MIPEP: variants seen among roughly 807,000 people sequenced by gnomAD.
The protein encoded by MIPEP is mitochondrial intermediate peptidase.
A neutral mutation model predicts 90.3 loss-of-function variants in MIPEP; 79 were observed. The ratio of observed to expected loss-of-function variants is 0.87; its 90% CI spans 0.73 to 1.05. The LOEUF (loss-of-function observed/expected upper bound fraction) is 1.05. MIPEP is among the 50% of genes least tolerant of loss of function. The pLI is 0.00. For missense variants in MIPEP, 940 were observed against 905.6 expected (o/e 1.04, Z -0.49); for synonymous variants, 334 against 315.8 (o/e 1.06, Z -0.61).
intron 10 of MIPEP, 99 bp downstream of exon 10, chr13:23,858,761 G>C: frequency 1.0e-6 from 1 of 964,552 alleles, no homozygotes; most frequent in South Asian, 1.4e-5. Context: ...TCAGGGGAAG[G>C]GTTTGTACTG....
chr13:23,837,903 T>C (rs567965211), intron 12 of MIPEP, 147 bp from the exon 13 acceptor site: 1 of 585,474 alleles, frequency 1.7e-6, no homozygotes, highest in South Asian at 2.6e-5. Flanking sequence ...TTTACATATA[T>C]ACACCTTTTC....
chr13:23,804,186 TA>T (rs1426843174), intron 16 of MIPEP, among the ~76,000 whole-genome samples: 1 of 152,172 alleles, frequency 6.6e-6, no homozygotes, highest in Non-Finnish European at 1.5e-5. Flanking sequence ...AGTTTTCTTT[TA>T]AAAAGAGACA....
intron 18 of MIPEP, among the ~76,000 whole-genome samples, chr13:23,733,849 A>G (rs1304646867): frequency 6.6e-6 from 1 of 152,234 alleles, no homozygotes; most frequent in Non-Finnish European, 1.5e-5. Context: ...ACTAGTTACT[A>G]GAAGAGAATG....
intron 16 of MIPEP, among the ~76,000 whole-genome samples, chr13:23,763,383 G>A (rs1025437493): frequency 3.9e-5 from 6 of 152,306 alleles, no homozygotes; most frequent in African/African-American, 7.2e-5. Flanking sequence ...TGGAAGCCCC[G>A]GAATTTGTAG....
At chr13:23,811,579 G>T (rs1174229571) in intron 14 of MIPEP, among the ~76,000 whole-genome samples, 1 of 152,174 alleles carries the variant, frequency 6.6e-6, no homozygotes, top group African/African-American at 2.4e-5. Flanking sequence ...TGCTAAGCTT[G>T]CTTTTCTATA....
rs1168106850 is a variant in MIPEP at position 23,753,774 on chromosome 13, T to C, written c.2044+2771A>G. Among the ~76,000 whole-genome samples, 5 of 152,210 alleles carry C rather than the reference T, an allele frequency of 3.3e-5. No individual in the cohort carries two copies. In the East Asian group the frequency reaches 9.6e-4, roughly 29 times the overall value. On this transcript the variant is annotated intron_variant, in intron 18 of 18. Transcript: ENST00000382172. ...TGAGCAGAGCCCTGTTCCCAAGGGA[T>C]GACTCATTCTGAAAAAGACAAATAA...
chr13:23,813,119 G>GA (rs1016751703), intron 14 of MIPEP, among the ~76,000 whole-genome samples: 5 of 149,502 alleles, frequency 3.3e-5, no homozygotes, highest in Admixed American at 6.6e-5. Context: ...TAACAAATTT[G>GA]AAAAAAAAAC....
At position 23,756,573 on chromosome 13, in the gene MIPEP, T is replaced by C; in HGVS notation, c.2016A>G (p.Gly672=). The change falls in exon 18 of 19, where the codon GGA becomes GGG. Residue 672 remains glycine, a synonymous_variant. Transcript: ENST00000382172. The part of the protein sequence containing the change: ...RYRREMLAHG[G]GREPMLMVEG... ...CAACCATGAGCATGGGCTCCCTGCC[T>C]CCACCGTGGGCCAGCATCTCCCTGC... 6.2e-7 allele frequency: 1 copy of C among 1,614,024 alleles called. No homozygotes were observed. Among genetic ancestry groups the C allele is most frequent in the Non-Finnish European group, 8.5e-7 (1 of 1,180,036 alleles).
intron 17 of MIPEP, 37 bp from the exon 18 acceptor site, chr13:23,756,655 C>T: frequency 6.3e-7 from 1 of 1,587,496 alleles, no homozygotes; most frequent in South Asian, 1.1e-5. Context: ...CTCCTGCTTG[C>T]ACAGCCTCCA....
At chr13:23,773,477 C>T (rs1184749471) in intron 16 of MIPEP, among the ~76,000 whole-genome samples, 2 of 152,098 alleles carry the variant, frequency 1.3e-5, no homozygotes, top group African/African-American at 4.8e-5. Flanking sequence ...AGTTCCCTAC[C>T]ACCTGGGAGT....
intron 18 of MIPEP, among the ~76,000 whole-genome samples, chr13:23,747,208 C>T (rs1003268517): frequency 6.6e-6 from 1 of 152,166 alleles, no homozygotes; most frequent in African/African-American, 2.4e-5. Flanking sequence ...AAGATGCTGC[C>T]CATGACCCAC....
intron 14 of MIPEP, among the ~76,000 whole-genome samples, chr13:23,826,557 T>C (rs1868461404): frequency 6.6e-6 from 1 of 152,122 alleles, no homozygotes; most frequent in Non-Finnish European, 1.5e-5. Context: ...TAAACAAGTC[T>C]TTGCTTAAGG....
At chr13:23,817,205 G>C (rs943481938) in intron 14 of MIPEP, among the ~76,000 whole-genome samples, 23 of 152,154 alleles carry the variant, frequency 1.5e-4, no homozygotes, top group Non-Finnish European at 2.5e-4. Flanking sequence ...GCCTCCAAAG[G>C]AGAAAAATCA....
chr13:23,830,049 T>C (rs1238280065), intron 14 of MIPEP, among the ~76,000 whole-genome samples: 1 of 152,168 alleles, frequency 6.6e-6, no homozygotes, highest in African/African-American at 2.4e-5. Flanking sequence ...CATTATCTCA[T>C]AAACTTAAAG....
intron 18 of MIPEP, among the ~76,000 whole-genome samples, chr13:23,734,240 C>G (rs1218077641): frequency 1.3e-5 from 2 of 152,166 alleles, no homozygotes; most frequent in Non-Finnish European, 2.9e-5. Context: ...TGGCGCCCTC[C>G]TCCTCTGTAC....
chr13:23,835,888 T>C (rs1869016928), intron 14 of MIPEP, among the ~76,000 whole-genome samples: 1 of 152,182 alleles, frequency 6.6e-6, no homozygotes, highest in Admixed American at 6.5e-5. Flanking sequence ...AAGCAAAGGC[T>C]TTTTAGAAGT....
chr13:23,825,333 A>G (rs1210418369), intron 14 of MIPEP, among the ~76,000 whole-genome samples: 2 of 152,216 alleles, frequency 1.3e-5, no homozygotes, highest in African/African-American at 4.8e-5. Flanking sequence ...ATGCTTTTTC[A>G]CATCTCTTGA....
At position 23,872,882 on chromosome 13, in the gene MIPEP, C is replaced by T. The variant is rs184749661; in HGVS notation, c.603+1964G>A. On this transcript the variant is annotated intron_variant, in intron 5 of 18. Coordinates refer to ENST00000382172, the MANE Select transcript of MIPEP (RefSeq NM_005932.4). ...CAACCTTCCTTCTGAAGATATCAAA[C>T]TTGATGATAGCTAGCATTATCATGA... Among the ~76,000 whole-genome samples, 267 of 152,276 alleles carry T rather than the reference C, an allele frequency of 1.8e-3. 1 individual carries two copies. Among genetic ancestry groups the T allele is most frequent in the African/African-American group, 6.2e-3 (256 of 41,558 alleles).
intron 15 of MIPEP, among the ~76,000 whole-genome samples, chr13:23,809,503 C>T (rs961857758): frequency 6.6e-6 from 1 of 152,042 alleles, no homozygotes; most frequent in Non-Finnish European, 1.5e-5. Flanking sequence ...CACCACCATG[C>T]CTGGCTAATT....
Sources: gnomAD v4.1 joint callset for allele counts (sites outside exome capture counted in the v4.1 genomes callset) on GRCh38, gnomAD v4.1.1 for gene constraint, MANE v1.5 for transcripts, NCBI Gene and HGNC (gene_info 2026-07-23, HGNC 2026-07-21) for gene names.